The following CDH13 variants were observed in gnomAD, a reference collection of about 807,000 sequenced individuals.
The protein encoded by CDH13 is cadherin 13.
In CDH13, 24 loss-of-function variants were observed where a neutral mutation model predicts 63.8. That is an observed-to-expected ratio of 0.38 (90% CI 0.27 to 0.53). The LOEUF (loss-of-function observed/expected upper bound fraction) is 0.53. Ranked by LOEUF, CDH13 falls within the 20% of genes least tolerant of loss-of-function variation. The pLI is 0.85. For synonymous variants in CDH13, 503 were observed against 355.3 expected (o/e 1.42, Z -4.67); for missense variants, 1,049 against 903.1 (o/e 1.16, Z -2.07).
chr16:83,518,137 G>T (rs2074742074), intron 7 of CDH13, among the ~76,000 whole-genome samples: 1 of 123,730 alleles, frequency 8.1e-6, no homozygotes, highest in Non-Finnish European at 1.6e-5. Flanking sequence ...ATCATGAGAT[G>T]TGATGGTCTT....
Position 82,845,095 on chromosome 16 carries a change from A to G in CDH13, c.46-13267A>G, listed in dbSNP as rs554497867. Among the ~76,000 whole-genome samples the G allele has an allele frequency of 4.9e-4, 74 of 152,288 alleles. 1 individual carries two copies. The highest frequency in any genetic ancestry group is 1.7e-3 in the African/African-American group (72 of 41,558). On this transcript the variant is annotated intron_variant, in intron 1 of 13. Transcript: ENST00000567109. Reference sequence around the variant, plus strand: ...GGTAGTTTTCTTTGGGAGGTGATCCAGGAAGCAGGAGTAAGGAAGGATGAG... The same window carrying G: ...GGTAGTTTTCTTTGGGAGGTGATCCGGGAAGCAGGAGTAAGGAAGGATGAG...
intron 4 of CDH13, among the ~76,000 whole-genome samples, chr16:83,216,188 G>A (rs933089502): frequency 1.2e-4 from 18 of 151,488 alleles, no homozygotes; most frequent in African/African-American, 4.1e-4. Context: ...AATCAAGGTC[G>A]ACAATTTGTA....
At chr16:82,987,439 C>T (rs967141082) in intron 2 of CDH13, among the ~76,000 whole-genome samples, 3 of 152,120 alleles carry the variant, frequency 2.0e-5, no homozygotes, top group East Asian at 1.9e-4. Context: ...TACAGTGTCA[C>T]GATCCTGGCT....
At chr16:82,867,042 T>C (rs936928716) in intron 2 of CDH13, among the ~76,000 whole-genome samples, 2 of 152,234 alleles carry the variant, frequency 1.3e-5, no homozygotes, top group African/African-American at 2.4e-5. Flanking sequence ...TCCCTGGCCT[T>C]GATAACTGAC....
At chr16:83,677,258 G>C (rs914163341) in intron 9 of CDH13, among the ~76,000 whole-genome samples, 15 of 152,204 alleles carry the variant, frequency 9.9e-5, no homozygotes, top group African/African-American at 3.4e-4. Context: ...GTTTATCATG[G>C]AGTTTCTTTG....
At chr16:83,405,982 T>A (rs2092037127) in intron 6 of CDH13, among the ~76,000 whole-genome samples, 1 of 152,220 alleles carries the variant, frequency 6.6e-6, no homozygotes, top group South Asian at 2.1e-4. Flanking sequence ...CCCACCTGGA[T>A]CTCGGCTGCA....
At chr16:83,764,152 T>G (rs1229322844) in intron 11 of CDH13, among the ~76,000 whole-genome samples, 2 of 152,182 alleles carry the variant, frequency 1.3e-5, no homozygotes, top group Non-Finnish European at 2.9e-5. Context: ...TCTAAGCATG[T>G]CATTACAGAA....
intron 1 of CDH13, among the ~76,000 whole-genome samples, chr16:82,810,026 C>T (rs562134041): frequency 1.1e-4 from 16 of 152,296 alleles, no homozygotes; most frequent in African/African-American, 3.6e-4. Flanking sequence ...AGCCTGCCAT[C>T]GCCCGGTGCC....
At chr16:82,681,511 C>G (rs1278924225) in intron 1 of CDH13, among the ~76,000 whole-genome samples, 2 of 152,168 alleles carry the variant, frequency 1.3e-5, no homozygotes, top group African/African-American at 2.4e-5. Context: ...ATTAAATAAG[C>G]AAATACATAA....
chr16:82,665,983 A>C (rs7205600), intron 1 of CDH13, among the ~76,000 whole-genome samples: 46,100 of 152,032 alleles, frequency 0.3, 7,292 homozygotes, highest in Non-Finnish European at 0.35. Context: ...CTTTTGTACC[A>C]TTGTAAAGTT....
intron 7 of CDH13, among the ~76,000 whole-genome samples, chr16:83,522,106 C>T (rs1447332000): frequency 6.6e-6 from 1 of 152,186 alleles, no homozygotes; most frequent in Non-Finnish European, 1.5e-5. Flanking sequence ...GCGCAGAGTG[C>T]AGGTCCAGCT....
chr16:83,142,158 T>G (rs988755630), intron 4 of CDH13, among the ~76,000 whole-genome samples: 8 of 127,674 alleles, frequency 6.3e-5, no homozygotes, highest in Admixed American at 1.7e-4. Context: ...TTGTTTGTTT[T>G]TGTTTTTTTT....
chr16:83,695,710 G>A (rs1391827809), intron 10 of CDH13, among the ~76,000 whole-genome samples: 2 of 152,128 alleles, frequency 1.3e-5, no homozygotes, highest in Non-Finnish European at 2.9e-5. Flanking sequence ...AATAGAAAAG[G>A]CAGATGTGAA....
chr16:83,032,268 TG>T, intron 3 of CDH13, 50 bp downstream of exon 3: 1 of 1,440,782 alleles, frequency 6.9e-7, no homozygotes, highest in Non-Finnish European at 9.7e-7. Flanking sequence ...CATTAGGTTC[TG>T]TCTGTCTTAT....
chr16:83,565,249 C>G (rs1389936175), intron 7 of CDH13, among the ~76,000 whole-genome samples: 1 of 152,082 alleles, frequency 6.6e-6, no homozygotes, highest in South Asian at 2.1e-4. Context: ...GTACCCTGAC[C>G]CCAGACTCCT....
At chr16:82,710,249 T>G (rs909885212) in intron 1 of CDH13, among the ~76,000 whole-genome samples, 6 of 146,488 alleles carry the variant, frequency 4.1e-5, no homozygotes, top group Non-Finnish European at 7.5e-5. Context: ...ATAAATATAT[T>G]TATATAAAAT....
intron 7 of CDH13, among the ~76,000 whole-genome samples, chr16:83,583,973 T>G (rs11149581): frequency 0.27 from 41,349 of 152,062 alleles, 6,281 homozygotes; most frequent in East Asian, 0.45. Flanking sequence ...TTTGTATCCT[T>G]ATTTTGGCTT....
chr16:83,718,791 T>G (rs1366780704), intron 10 of CDH13, among the ~76,000 whole-genome samples: 1 of 152,196 alleles, frequency 6.6e-6, no homozygotes, highest in Non-Finnish European at 1.5e-5. Flanking sequence ...CTTTTGCTAA[T>G]CATGTGAAAC....
chr16:83,735,723 A>G (rs938440503), intron 10 of CDH13: 17 of 152,122 alleles, frequency 1.1e-4, no homozygotes, highest in Non-Finnish European at 1.8e-4. Flanking sequence ...GGACTGGTGC[A>G]TCTTTGGGAT....
Sources: gnomAD v4.1 joint callset for allele counts (sites outside exome capture counted in the v4.1 genomes callset) on GRCh38, gnomAD v4.1.1 for gene constraint, MANE v1.5 for transcripts, NCBI Gene and HGNC (gene_info 2026-07-23, HGNC 2026-07-21) for gene names.